The following CFHR3 variants were observed in gnomAD, a reference collection of about 807,000 sequenced individuals.
CFHR3 encodes the protein complement factor H-related protein 3.
A neutral mutation model predicts 36.0 loss-of-function variants in CFHR3; 22 were observed. The ratio of observed to expected loss-of-function variants is 0.61; its 90% CI spans 0.44 to 0.87. CFHR3 has a LOEUF of 0.87. Among genes scored for constraint, CFHR3 ranks in the 40% least tolerant of loss-of-function variants. The pLI, the probability that CFHR3 is intolerant of heterozygous loss-of-function variation, is 0.00. For synonymous variants in CFHR3, 97 were observed against 137.4 expected (o/e 0.71, Z 2.06); for missense variants, 276 against 401.3 (o/e 0.69, Z 2.67).
At position 196,782,123 on chromosome 1, in the gene CFHR3, C is replaced by T. The variant is rs1331275997; in HGVS notation, c.430+2150C>T. ...AGATCAGATAGTTGTAGATATGCAGCGTTATTTCTGAGGGCTCTGTTCTGT... is the reference window on the plus strand; with the variant it reads ...AGATCAGATAGTTGTAGATATGCAGTGTTATTTCTGAGGGCTCTGTTCTGT... On this transcript the variant is annotated intron_variant, in intron 3 of 5. Transcript: ENST00000367425. Among the ~76,000 whole-genome samples the T allele has an allele frequency of 2.9e-5, 4 of 136,316 alleles. 1 individual carries two copies. The highest frequency in any genetic ancestry group is 9.2e-5 in the African/African-American group (3 of 32,458). 89.4% of individuals were successfully genotyped at this position (136,316 alleles called of 152,430 possible). A position where few individuals can be genotyped will look rare whatever the true frequency, so the allele number is the denominator to read the frequency against.
chr1:196,776,252 C>T lies in CFHR3; in HGVS notation c.58+1308C>T, dbSNP rs1242207650. 1.0e-4 allele frequency among the ~76,000 whole-genome samples: 14 copies of T among 135,522 alleles called. 2 individuals carry two copies. The highest frequency in any genetic ancestry group is 4.3e-4 in the Admixed American group (6 of 13,890). The allele number at this position is 135,522 out of a possible 152,430, so 88.9% of individuals were successfully genotyped here. A position where few individuals can be genotyped will look rare whatever the true frequency, so the allele number is the denominator to read the frequency against. ...TCTGATATTCCAGTGGAAAACTTGC[C>T]TCCTCCAATGAACTCTTTGTAAGAG... On this transcript the variant is annotated intron_variant, in intron 1 of 5. Transcript: ENST00000367425.
rs537060797 is a variant in CFHR3 at position 196,785,594 on chromosome 1, A to G, written c.431-2622A>G. 1.0e-3 allele frequency among the ~76,000 whole-genome samples: 143 copies of G among 136,822 alleles called. 32 individuals are homozygous for G. Among genetic ancestry groups the G allele is most frequent in the Admixed American group, 7.0e-4 (10 of 14,218 alleles). 89.8% of individuals were successfully genotyped at this position (136,822 alleles called of 152,430 possible). ...GATACCCTTTCTTCCAGATGATCAC[A>G]TCGGCTCCTGAGGCTTCTGTATTCT... is the stretch of plus-strand genomic sequence containing the variant. On this transcript the variant is annotated intron_variant, in intron 3 of 5. Transcript: ENST00000367425.
intron 3 of CFHR3, among the ~76,000 whole-genome samples, chr1:196,784,162 G>C (rs1267334362): frequency 2.9e-5 from 4 of 136,582 alleles, no homozygotes; most frequent in Admixed American, 7.0e-5. Flanking sequence ...ACTGTGGTCT[G>C]AGAGACAGTT....
rs1259556622 is a variant in CFHR3, at chr1:196,790,560, C to CA, written c.796+339dup. On this transcript the variant is annotated intron_variant, in intron 5 of 5. Transcript: ENST00000367425. ...ACCAACATGGTGAACCCCGTATCTA[C>CA]AAAAAATACAAAAATTAGCCAGGCA... 3.0e-5 allele frequency among the ~76,000 whole-genome samples: 4 copies of CA among 134,328 alleles called. 1 individual carries two copies. Among genetic ancestry groups the CA allele is most frequent in the Non-Finnish European group, 6.3e-5 (4 of 63,866 alleles). 88.1% of individuals were successfully genotyped at this position (134,328 alleles called of 152,430 possible).
At chr1:196,792,965 A>T (rs185927440) in intron 5 of CFHR3, among the ~76,000 whole-genome samples, 3,071 of 134,762 alleles carry the variant, frequency 0.023, 820 homozygotes, top group African/African-American at 0.092. Flanking sequence ...GGGGGAAAGG[A>T]GGATAAGTAA....
intron 3 of CFHR3, among the ~76,000 whole-genome samples, chr1:196,781,465 T>C (rs1320818532): frequency 7.5e-6 from 1 of 134,128 alleles, no homozygotes; most frequent in East Asian, 2.0e-4. Context: ...CAGCACCTGT[T>C]GTTTCCTGAC....
Position 196,780,042 on chromosome 1 carries a change from C to T in CFHR3, c.430+69C>T, listed in dbSNP as rs751925572. ...AAGTAACACGGACGACAGTCTCAGACTTGTCTATATTAACTGTGGCAAAAT... is the reference window on the plus strand; with the variant it reads ...AAGTAACACGGACGACAGTCTCAGATTTGTCTATATTAACTGTGGCAAAAT... On this transcript the variant is annotated intron_variant, in intron 3 of 5. Transcript: ENST00000367425. 27 of 1,507,678 alleles carry T rather than the reference C, an allele frequency of 1.8e-5. 4 individuals are homozygous for T. The highest frequency in any genetic ancestry group is 2.4e-5 in the Non-Finnish European group (27 of 1,112,606). The allele number at this position is 1,507,678 out of a possible 1,614,324, so 93.4% of individuals were successfully genotyped here. A position where few individuals can be genotyped will look rare whatever the true frequency, so the allele number is the denominator to read the frequency against.
intron 1 of CFHR3, among the ~76,000 whole-genome samples, chr1:196,777,305 A>G (rs1653760425): frequency 7.3e-6 from 1 of 137,462 alleles, no homozygotes; most frequent in Non-Finnish European, 1.5e-5. Flanking sequence ...AGAATTGTAT[A>G]AACTTTATAT....
Position 196,793,405 on chromosome 1 carries a change from G to C in CFHR3, c.885G>C (p.Gly295=). The C allele has an allele frequency of 6.6e-7, 1 of 1,525,878 alleles. No homozygotes were observed. The allele number at this position is 1,525,878 out of a possible 1,614,324, so 94.5% of individuals were successfully genotyped here. The change falls in exon 6 of 6, where the codon GGG becomes GGC. Residue 295 remains glycine, a synonymous_variant. Coordinates refer to ENST00000367425, the MANE Select transcript of CFHR3 (RefSeq NM_021023.6). The stretch of plus-strand genomic sequence containing the variant: ...ACAGAAAATATTATGCAAAAACAGG[G>C]GATACCATTGAATTTATGTGTAAAT... ...RSDRKYYAKT[G]DTIEFMCKLG... is the part of the protein sequence containing the mutation.
chr1:196,786,179 G>T (rs1230079220), intron 3 of CFHR3, among the ~76,000 whole-genome samples: 1 of 135,944 alleles, frequency 7.4e-6, no homozygotes, highest in Non-Finnish European at 1.6e-5. Flanking sequence ...TCTCAGAGGA[G>T]TACCCGGCCG....
rs1460752849 is a variant in CFHR3 at position 196,794,345 on chromosome 1, C to T, written c.*832C>T. On this transcript the variant is annotated 3_prime_UTR_variant, in exon 6 of 6. Transcript: ENST00000367425. ...CGGCATGATGGCGTGCACCTGTAGTCCCAGCTACTCAGGAGGCTGAGGTGG... is the reference window on the plus strand; with the variant it reads ...CGGCATGATGGCGTGCACCTGTAGTTCCAGCTACTCAGGAGGCTGAGGTGG... Among the ~76,000 whole-genome samples, 3 of 136,356 alleles carry T rather than the reference C, an allele frequency of 2.2e-5. 1 individual carries two copies. Among genetic ancestry groups the T allele is most frequent in the Non-Finnish European group, 4.7e-5 (3 of 64,416 alleles). The allele number at this position is 136,356 out of a possible 152,430, so 89.5% of individuals were successfully genotyped here. A position where few individuals can be genotyped will look rare whatever the true frequency, so the allele number is the denominator to read the frequency against.
chr1:196,788,505 A>G, intron 4 of CFHR3, 107 bp downstream of exon 4: 1 of 1,428,148 alleles, frequency 7.0e-7, no homozygotes. Context: ...GAGTAAAGAG[A>G]TACAAATACT....
At chr1:196,787,433 C>G (rs192953150) in intron 3 of CFHR3, among the ~76,000 whole-genome samples, 3 of 137,230 alleles carry the variant, frequency 2.2e-5, no homozygotes, top group Non-Finnish European at 3.1e-5. Context: ...TCATCTTTAA[C>G]ATGATTTCTT....
At chr1:196,782,945 T>C (rs1204222147) in intron 3 of CFHR3, among the ~76,000 whole-genome samples, 1 of 137,028 alleles carries the variant, frequency 7.3e-6, no homozygotes, top group East Asian at 2.0e-4. Context: ...GGGTTTGTCA[T>C]AGATAGTTCT....
At chr1:196,792,529 T>TA (rs201138174) in intron 5 of CFHR3, among the ~76,000 whole-genome samples, 9 of 110,652 alleles carry the variant, frequency 8.1e-5, no homozygotes, top group Admixed American at 1.8e-4. Flanking sequence ...CCCTGGAACT[T>TA]AAAAAAAAAA....
chr1:196,782,890 A>G lies in CFHR3; in HGVS notation c.430+2917A>G, dbSNP rs531688268. Among the ~76,000 whole-genome samples, 10 of 137,238 alleles carry G rather than the reference A, an allele frequency of 7.3e-5. No individual in the cohort carries two copies. The East Asian group carries it at 1.6e-3, about 21-fold the overall frequency. 90.0% of individuals were successfully genotyped at this position (137,238 alleles called of 152,430 possible). A position where few individuals can be genotyped will look rare whatever the true frequency, so the allele number is the denominator to read the frequency against. ...CATCCCTGTCTTGTGCTGATTTTCAAAGGAATGCTTCCAGTTTTTGCCCAT... is the reference window on the plus strand; with the variant it reads ...CATCCCTGTCTTGTGCTGATTTTCAGAGGAATGCTTCCAGTTTTTGCCCAT... On this transcript the variant is annotated intron_variant, in intron 3 of 5. Coordinates refer to ENST00000367425, the MANE Select transcript of CFHR3 (RefSeq NM_021023.6).
At position 196,778,625 on chromosome 1, in the gene CFHR3, G is replaced by T. The variant is rs1281854212; in HGVS notation, c.59-537G>T. ...CATGAATTCTAACTATGGTAAGAATGCATGCCATCGAATACAAACAAAATG... is the reference window on the plus strand; with the variant it reads ...CATGAATTCTAACTATGGTAAGAATTCATGCCATCGAATACAAACAAAATG... On this transcript the variant is annotated intron_variant, in intron 1 of 5. Transcript: ENST00000367425. Among the ~76,000 whole-genome samples, 8 of 135,736 alleles carry T rather than the reference G, an allele frequency of 5.9e-5. 2 individuals carry two copies. The highest frequency in any genetic ancestry group is 1.1e-4 in the Non-Finnish European group (7 of 64,400). 89.0% of individuals were successfully genotyped at this position (135,736 alleles called of 152,430 possible).
In CFHR3 at chr1:196,794,842, A is replaced by G; in HGVS notation, c.*1329A>G. ...CCCAACACTTTTCCTGATTATAGAG[A>G]AAAAAGCATGAACTTGTATAATGAT... is the stretch of plus-strand genomic sequence containing the variant. On this transcript the variant is annotated 3_prime_UTR_variant, in exon 6 of 6. Coordinates refer to ENST00000367425, the MANE Select transcript of CFHR3 (RefSeq NM_021023.6). 1 of 239,408 alleles carries G rather than the reference A, an allele frequency of 4.2e-6. No homozygotes were observed. The highest frequency in any genetic ancestry group is 7.9e-6 in the Non-Finnish European group (1 of 127,284). The allele number at this position is 239,408 out of a possible 1,614,324, so 14.8% of individuals were successfully genotyped here.
rs1342630124 is a variant in CFHR3, at chr1:196,794,070, C to A, written c.*557C>A. On this transcript the variant is annotated 3_prime_UTR_variant, in exon 6 of 6. Transcript: ENST00000367425. ...GAGAAGGTGAATTATTATCATTTTCCTGTGAAAAAAGAAAAGAGGTTTTGC... is the reference window on the plus strand; with the variant it reads ...GAGAAGGTGAATTATTATCATTTTCATGTGAAAAAAGAAAAGAGGTTTTGC... 1 of 140,590 alleles carries A rather than the reference C, an allele frequency of 7.1e-6. No individual in the cohort carries two copies. Among genetic ancestry groups the A allele is most frequent in the Non-Finnish European group, 1.5e-5 (1 of 67,304 alleles). 8.7% of individuals were successfully genotyped at this position (140,590 alleles called of 1,614,324 possible). A position where few individuals can be genotyped will look rare whatever the true frequency, so the allele number is the denominator to read the frequency against.
Sources: gnomAD v4.1 joint callset for allele counts (sites outside exome capture counted in the v4.1 genomes callset) on GRCh38, gnomAD v4.1.1 for gene constraint, MANE v1.5 for transcripts, NCBI Gene and HGNC (gene_info 2026-07-23, HGNC 2026-07-21) for gene names.